DBF4: variants seen among roughly 807,000 people sequenced by gnomAD.
DBF4 encodes the protein protein DBF4 homolog A.
In DBF4, 25 loss-of-function variants were observed where a neutral mutation model predicts 76.6. The observed-to-expected ratio is 0.33, with a 90% CI of 0.24 to 0.46. DBF4 has a LOEUF of 0.46. Among genes scored for constraint, DBF4 ranks in the 20% least tolerant of loss-of-function variants. The pLI, the probability that DBF4 is intolerant of heterozygous loss-of-function variation, is 1.00. For synonymous variants in DBF4, 213 were observed against 258.0 expected (o/e 0.83, Z 1.67); for missense variants, 638 against 760.8 (o/e 0.84, Z 1.90).
At chr7:87,902,106 C>T (rs1450566649) in intron 10 of DBF4, among the ~76,000 whole-genome samples, 1 of 152,104 alleles carries the variant, frequency 6.6e-6, no homozygotes, top group African/African-American at 2.4e-5. Context: ...TGAAGTTTTA[C>T]TTTGCTGGTG....
chr7:87,898,163 T>C (rs755851837), intron 8 of DBF4, among the ~76,000 whole-genome samples: 2 of 152,238 alleles, frequency 1.3e-5, no homozygotes, highest in East Asian at 1.9e-4. Context: ...TTTCCACTTA[T>C]TCATTTAGAC....
chr7:87,881,435 C>T (rs1839211602), intron 2 of DBF4, among the ~76,000 whole-genome samples: 1 of 152,070 alleles, frequency 6.6e-6, no homozygotes, highest in African/African-American at 2.4e-5. Flanking sequence ...AAAATGAATC[C>T]TTATGTCCAT....
rs377102407 is a variant in DBF4, at chr7:87,894,292, C to T, written c.598-2182C>T. On this transcript the variant is annotated intron_variant, in intron 6 of 11. Coordinates refer to ENST00000265728, the MANE Select transcript of DBF4 (RefSeq NM_006716.4). ...GCAACATGGTGAAACCCCATCTCTA[C>T]AAAAAATATATATATAAATTAGCCA... Among the ~76,000 whole-genome samples the T allele has an allele frequency of 2.0e-5, 3 of 152,048 alleles. No homozygotes were observed. The East Asian group carries it at 5.8e-4, about 29-fold the overall frequency.
intron 10 of DBF4, among the ~76,000 whole-genome samples, chr7:87,903,878 TAG>T (rs1039650539): frequency 6.6e-6 from 1 of 151,952 alleles, no homozygotes; most frequent in African/African-American, 2.4e-5. Context: ...GTATTTTTAG[TAG>T]AGATAGGGTT....
At position 87,907,654 on chromosome 7, in the gene DBF4, C is replaced by T; in HGVS notation, c.1516C>T (p.Gln506Ter). ...AGATAATAGTGGATCTCAACCAAAA[C>T]AGAAGTCAGATACTGTGCTTTTTCC... ...STDNSGSQPK[Q>*]KSDTVLFPAK... The change falls in exon 12 of 12, where the codon CAG becomes TAG. Residue 506 changes from glutamine to a stop codon, truncating the protein, a stop_gained. Coordinates refer to ENST00000265728, the MANE Select transcript of DBF4 (RefSeq NM_006716.4). LOFTEE classifies it high-confidence loss of function. The T allele has an allele frequency of 1.2e-6, 2 of 1,614,016 alleles. No individual in the cohort carries two copies. The highest frequency in any genetic ancestry group is 1.7e-6 in the Non-Finnish European group (2 of 1,179,948).
At chr7:87,886,812 C>A in intron 3 of DBF4, 32 bp from the exon 4 acceptor site, 1 of 1,322,502 alleles carries the variant, frequency 7.6e-7, no homozygotes, top group Non-Finnish European at 1.1e-6. Flanking sequence ...CAGTTAAGCA[C>A]TATGTTTTAA....
In DBF4 at chr7:87,884,929, C is replaced by T. The variant is rs140746506; in HGVS notation, c.220-50C>T. Reference sequence around the variant, plus strand: ...TCTAGCCTGGATAACACAGTGAGACCGTGTTTCTTAAAACAAATTTATAAA... The same window carrying T: ...TCTAGCCTGGATAACACAGTGAGACTGTGTTTCTTAAAACAAATTTATAAA... On this transcript the variant is annotated intron_variant, in intron 2 of 11. Transcript: ENST00000265728. 168 of 1,365,488 alleles carry T rather than the reference C, an allele frequency of 1.2e-4. No homozygotes were observed. In the African/African-American group the frequency reaches 2.0e-3, roughly 16 times the overall value. The allele number at this position is 1,365,488 out of a possible 1,614,324, so 84.6% of individuals were successfully genotyped here.
At chr7:87,905,927 C>T (rs1393365838) in intron 11 of DBF4, among the ~76,000 whole-genome samples, 1 of 151,420 alleles carries the variant, frequency 6.6e-6, no homozygotes, top group Non-Finnish European at 1.5e-5. Context: ...TTCGAAAGGC[C>T]GAGGCGGGCA....
At chr7:87,895,180 TCTCA>T (rs750302595) in intron 6 of DBF4, among the ~76,000 whole-genome samples, 18 of 152,240 alleles carry the variant, frequency 1.2e-4, no homozygotes, top group Admixed American at 1.3e-4. Flanking sequence ...AATTTTGTTA[TCTCA>T]CTCAGATAGT....
intron 1 of DBF4, among the ~76,000 whole-genome samples, chr7:87,877,101 T>G (rs966407791): frequency 1.3e-5 from 2 of 152,202 alleles, no homozygotes; most frequent in Non-Finnish European, 2.9e-5. Flanking sequence ...CTCTCGCATA[T>G]GCTAAGCCTC....
At chr7:87,888,446 G>C (rs930992842) in intron 6 of DBF4, 1 of 501,170 alleles carries the variant, frequency 2.0e-6, no homozygotes, top group Non-Finnish European at 2.6e-6. Flanking sequence ...ACAAAATCTC[G>C]TTTTAGCATA....
intron 2 of DBF4, among the ~76,000 whole-genome samples, chr7:87,884,186 G>A (rs929596622): frequency 6.6e-6 from 1 of 152,166 alleles, no homozygotes; most frequent in Non-Finnish European, 1.5e-5. Flanking sequence ...GTAACCATTA[G>A]TGATATGTGG....
chr7:87,894,546 T>C (rs914482176), intron 6 of DBF4, among the ~76,000 whole-genome samples: 5 of 152,258 alleles, frequency 3.3e-5, no homozygotes, highest in African/African-American at 9.6e-5. Context: ...TTACTCTTCC[T>C]TCCTGAAATT....
In DBF4 at chr7:87,888,027, C is replaced by T. The variant is rs1839402615; in HGVS notation, c.565C>T (p.Leu189Phe). ...ACAAAAGAAAAAAGAGTTGTATTTA[C>T]TCAAGAAATCAAGTACTTCAGTAAG... is the stretch of plus-strand genomic sequence containing the variant. ...IEQKKKELYL[L>F]KKSSTSVRDG... Residue 189 changes from leucine to phenylalanine, a missense_variant, in exon 6 of 12, where the codon CTC becomes TTC. Leu to Phe is a conservative substitution (Grantham distance 22). Coordinates refer to ENST00000265728, the MANE Select transcript of DBF4 (RefSeq NM_006716.4). The T allele has an allele frequency of 6.4e-6, 10 of 1,560,344 alleles. No individual in the cohort carries two copies. Among genetic ancestry groups the T allele is most frequent in the Non-Finnish European group, 7.8e-6 (9 of 1,155,728 alleles).
chr7:87,893,531 C>T (rs1839549677), intron 6 of DBF4, among the ~76,000 whole-genome samples: 1 of 152,156 alleles, frequency 6.6e-6, no homozygotes, highest in African/African-American at 2.4e-5. Flanking sequence ...AGGCGTGAGC[C>T]ACCGCGCCCG....
In DBF4 at chr7:87,876,505, GC is replaced by G; in HGVS notation, c.-226del. On this transcript the variant is annotated 5_prime_UTR_variant, in exon 1 of 12. Coordinates refer to ENST00000265728, the MANE Select transcript of DBF4 (RefSeq NM_006716.4). The stretch of plus-strand genomic sequence containing the variant: ...GTGACGCGTTTTCAAATCTTCAACC[GC>G]CGCAGCCCACTCGTTTGTGCTTTGC... The G allele has an allele frequency of 4.1e-6, 2 of 482,032 alleles. No individual in the cohort carries two copies. The highest frequency in any genetic ancestry group is 7.4e-6 in the Non-Finnish European group (2 of 268,782). The allele number at this position is 482,032 out of a possible 1,614,324, so 29.9% of individuals were successfully genotyped here.
At chr7:87,877,165 C>T (rs1839081953) in intron 1 of DBF4, among the ~76,000 whole-genome samples, 2 of 152,222 alleles carry the variant, frequency 1.3e-5, no homozygotes, top group Admixed American at 1.3e-4. Flanking sequence ...GTCAGACGCG[C>T]TCGTGGCTTT....
At chr7:87,884,883 G>C in intron 2 of DBF4, 96 bp from the exon 3 acceptor site, 1 of 896,574 alleles carries the variant, frequency 1.1e-6, no homozygotes. Flanking sequence ...GCTGCAGTGA[G>C]CTATGATTGT....
chr7:87,905,717 C>T (rs1839898397), intron 11 of DBF4, among the ~76,000 whole-genome samples: 1 of 152,134 alleles, frequency 6.6e-6, no homozygotes, highest in Non-Finnish European at 1.5e-5. Context: ...AATGTGATAA[C>T]AAGATACAGC....
Sources: allele counts gnomAD v4.1 joint callset (sites outside exome capture counted in the v4.1 genomes callset), GRCh38; gene constraint gnomAD v4.1.1; transcripts MANE v1.5; gene names NCBI Gene and HGNC (gene_info 2026-07-23, HGNC 2026-07-21).